Variants in RABL2A observed in about 807,000 individuals in gnomAD.
RABL2A encodes the protein rab-like protein 2A.
RABL2A carries 17 observed loss-of-function variants against 30.7 expected under a neutral mutation model. That is an observed-to-expected ratio of 0.55 (90% CI 0.38 to 0.83). The LOEUF is 0.83. Among genes scored for constraint, RABL2A ranks in the 40% least tolerant of loss-of-function variants. The pLI is 0.00. For missense variants in RABL2A, 155 were observed against 272.6 expected (o/e 0.57, Z 3.04); for synonymous variants, 64 against 101.8 (o/e 0.63, Z 2.24).
At chr2:113,629,813 T>C (rs1215118204) in intron 2 of RABL2A, among the ~76,000 whole-genome samples, 3 of 152,120 alleles carry the variant, frequency 2.0e-5, no homozygotes, top group African/African-American at 2.4e-5. Flanking sequence ...GCTGGGATTA[T>C]AGGCATGAGC....
rs1681995493 is a variant in RABL2A, at chr2:113,635,037, T to G, written c.218-14T>G. 6.2e-7 allele frequency: 1 copy of G among 1,614,064 alleles called. No homozygotes were observed. Among genetic ancestry groups the G allele is most frequent in the African/African-American group, 1.3e-5 (1 of 74,942 alleles). On this transcript the variant is annotated splice_polypyrimidine_tract_variant and intron_variant, in intron 4 of 8. Transcript: ENST00000683472. ...TGCACCAGGCATGTAGGTCTGTCTGTGTTCACATTGCAGACTTTTGGGACA... is the reference window on the plus strand; with the variant it reads ...TGCACCAGGCATGTAGGTCTGTCTGGGTTCACATTGCAGACTTTTGGGACA...
chr2:113,643,346 T>C lies in RABL2A; in HGVS notation c.*1217T>C. On this transcript the variant is annotated 3_prime_UTR_variant, in exon 9 of 9. Transcript: ENST00000683472. Reference sequence around the variant, plus strand: ...TTGCATTGTGTTTATTAATAGGGTTTTGTTTTTATTGTTTCCTTTTTTACA... The same window carrying C: ...TTGCATTGTGTTTATTAATAGGGTTCTGTTTTTATTGTTTCCTTTTTTACA... The C allele has an allele frequency of 2.9e-6, 1 of 342,688 alleles. No individual in the cohort carries two copies. The highest frequency in any genetic ancestry group is 2.2e-5 in the South Asian group (1 of 45,314). The allele number at this position is 342,688 out of a possible 1,614,324, so 21.2% of individuals were successfully genotyped here.
At chr2:113,632,561 C>T (rs1450503482) in intron 2 of RABL2A, among the ~76,000 whole-genome samples, 5 of 152,232 alleles carry the variant, frequency 3.3e-5, no homozygotes, top group Admixed American at 6.5e-5. Flanking sequence ...CCACCGCGCC[C>T]GACCGGGAAA....
At chr2:113,635,977 G>A (rs1433340557) in intron 5 of RABL2A, among the ~76,000 whole-genome samples, 5 of 151,156 alleles carry the variant, frequency 3.3e-5, no homozygotes, top group Non-Finnish European at 7.4e-5. Flanking sequence ...GCATGGTGGC[G>A]GGTGCCTGTA....
At chr2:113,637,859 T>G in intron 5 of RABL2A, 1 of 1,263,318 alleles carries the variant, frequency 7.9e-7, no homozygotes, top group Non-Finnish European at 1.0e-6. Context: ...GACCCTCTTC[T>G]GAAGGCCTGG....
At chr2:113,629,557 C>T (rs900010234) in intron 2 of RABL2A, among the ~76,000 whole-genome samples, 20 of 148,342 alleles carry the variant, frequency 1.3e-4, no homozygotes, top group Admixed American at 6.7e-4. Flanking sequence ...TTTTTTGAGA[C>T]GGAGTCTCGC....
intron 5 of RABL2A, chr2:113,637,365 G>A (rs543670479): frequency 5.0e-5 from 51 of 1,012,946 alleles, no homozygotes; most frequent in African/African-American, 1.2e-4. Context: ...TAGCTCTTCC[G>A]TGTGTGCTCC....
chr2:113,638,141 A>T lies in RABL2A; in HGVS notation c.298-2753A>T. 5.1e-6 allele frequency: 5 copies of T among 985,482 alleles called. No homozygotes were observed. The South Asian group carries it at 1.4e-4, about 28-fold the overall frequency. 61.0% of individuals were successfully genotyped at this position (985,482 alleles called of 1,614,324 possible). A position where few individuals can be genotyped will look rare whatever the true frequency, so the allele number is the denominator to read the frequency against. On this transcript the variant is annotated intron_variant, in intron 5 of 8. Coordinates refer to ENST00000683472, the MANE Select transcript of RABL2A (RefSeq NM_001306158.2). ...GTCATCTGAGCCTGGTGTGAGGCAG[A>T]TTCCAGAAGTTTAGTTACAGACATC...
At chr2:113,637,253 C>T (rs1374434015) in intron 5 of RABL2A, 1 of 534,492 alleles carries the variant, frequency 1.9e-6, no homozygotes, top group Admixed American at 6.0e-5. Context: ...CCCTCAGCCT[C>T]TCCCCAGCTC....
chr2:113,631,583 A>C (rs1177298943), intron 2 of RABL2A, among the ~76,000 whole-genome samples: 3 of 152,132 alleles, frequency 2.0e-5, no homozygotes, highest in African/African-American at 4.8e-5. Context: ...GAGCCTCCGG[A>C]GGTAGGCCTG....
chr2:113,636,628 C>A (rs1682829699), intron 5 of RABL2A, among the ~76,000 whole-genome samples: 1 of 152,096 alleles, frequency 6.6e-6, no homozygotes, highest in African/African-American at 2.4e-5. Flanking sequence ...AGTGGGGAAC[C>A]AGAATCATAT....
chr2:113,633,309 C>T lies in RABL2A; in HGVS notation c.137+365C>T, dbSNP rs1275989122. On this transcript the variant is annotated intron_variant, in intron 3 of 8. Coordinates refer to ENST00000683472, the MANE Select transcript of RABL2A (RefSeq NM_001306158.2). Reference sequence around the variant, plus strand: ...CTCTCTAACCTCAAAGCTTGGGCCCCCTACTATTGAAAAAAATCTCTGATA... The same window carrying T: ...CTCTCTAACCTCAAAGCTTGGGCCCTCTACTATTGAAAAAAATCTCTGATA... The T allele has an allele frequency of 1.2e-5, 4 of 344,446 alleles. No individual in the cohort carries two copies. The East Asian group carries it at 2.6e-4, about 23-fold the overall frequency. The allele number at this position is 344,446 out of a possible 1,614,324, so 21.3% of individuals were successfully genotyped here.
In RABL2A at chr2:113,638,187, G is replaced by A. The variant is rs576117038; in HGVS notation, c.298-2707G>A. ...ACATCCTTTATAAGGAGACTTCATC[G>A]GGAATTCAAGACAACCTGGTGATTC... On this transcript the variant is annotated intron_variant, in intron 5 of 8. Transcript: ENST00000683472. 1.1e-5 allele frequency: 11 copies of A among 985,380 alleles called. No individual in the cohort carries two copies. In the African/African-American group the frequency reaches 1.2e-4, roughly 11 times the overall value. The allele number at this position is 985,380 out of a possible 1,614,324, so 61.0% of individuals were successfully genotyped here.
In RABL2A at chr2:113,643,363, T is replaced by G. The variant is rs1169647422; in HGVS notation, c.*1234T>G. The G allele has an allele frequency of 2.9e-6, 1 of 341,646 alleles. No individual in the cohort carries two copies. The highest frequency in any genetic ancestry group is 8.4e-5 in the East Asian group (1 of 11,838). 21.2% of individuals were successfully genotyped at this position (341,646 alleles called of 1,614,324 possible). On this transcript the variant is annotated 3_prime_UTR_variant, in exon 9 of 9. Transcript: ENST00000683472. ...ATAGGGTTTTGTTTTTATTGTTTCC[T>G]TTTTTACAGTAAAGGCTGAATGACA...
Position 113,642,998 on chromosome 2 carries a change from G to A in RABL2A, c.*869G>A, listed in dbSNP as rs1481572674. ...TTCCAGATTTCCGTGTACCCACTCTGTTTCAGGAGCTCTTCTAGGTAAAGC... is the reference window on the plus strand; with the variant it reads ...TTCCAGATTTCCGTGTACCCACTCTATTTCAGGAGCTCTTCTAGGTAAAGC... On this transcript the variant is annotated 3_prime_UTR_variant, in exon 9 of 9. Coordinates refer to ENST00000683472, the MANE Select transcript of RABL2A (RefSeq NM_001306158.2). 8.3e-6 allele frequency: 3 copies of A among 360,186 alleles called. No homozygotes were observed. Among genetic ancestry groups the A allele is most frequent in the East Asian group, 8.7e-5 (1 of 11,506 alleles). The allele number at this position is 360,186 out of a possible 1,614,324, so 22.3% of individuals were successfully genotyped here.
chr2:113,633,156 A>T (rs1681095079), intron 3 of RABL2A: 5 of 698,772 alleles, frequency 7.2e-6, no homozygotes, highest in Non-Finnish European at 1.3e-5. Flanking sequence ...GACCTTACTC[A>T]TATTTGGATT....
chr2:113,639,157 T>A (rs1381927582), intron 5 of RABL2A, among the ~76,000 whole-genome samples: 1 of 149,104 alleles, frequency 6.7e-6, no homozygotes, highest in Non-Finnish European at 1.5e-5. Context: ...CATGGTGGCA[T>A]GTGCCTGTAG....
At chr2:113,635,407 GAAAC>G (rs1179133017) in intron 5 of RABL2A, 1 of 500,922 alleles carries the variant, frequency 2.0e-6, no homozygotes, top group Non-Finnish European at 3.6e-6. Context: ...AAACATGCCT[GAAAC>G]AGGGCCACAG....
intron 2 of RABL2A, among the ~76,000 whole-genome samples, chr2:113,629,237 G>A (rs1212574711): frequency 2.0e-5 from 3 of 152,178 alleles, no homozygotes; most frequent in African/African-American, 7.2e-5. Context: ...TTGTCTCCAT[G>A]AGACGTCCTA....
Sources: allele counts gnomAD v4.1 joint callset (sites outside exome capture counted in the v4.1 genomes callset), GRCh38; gene constraint gnomAD v4.1.1; transcripts MANE v1.5; gene names NCBI Gene and HGNC (gene_info 2026-07-23, HGNC 2026-07-21).